SHANK2: variants seen among roughly 807,000 people sequenced by gnomAD.
SHANK2 encodes the protein SH3 and multiple ankyrin repeat domains protein 2.
A neutral mutation model predicts 133.7 loss-of-function variants in SHANK2; 43 were observed. The observed-to-expected ratio is 0.32, with a 90% CI of 0.25 to 0.41. The LOEUF (loss-of-function observed/expected upper bound fraction) is 0.41. Ranked by LOEUF, SHANK2 falls within the 10% of genes least tolerant of loss-of-function variation. SHANK2 has a pLI of 1.00. For missense variants in SHANK2, 1,994 were observed against 2,235.8 expected (o/e 0.89, Z 2.18); for synonymous variants, 1,017 against 952.8 (o/e 1.07, Z -1.24).
intron 17 of SHANK2, among the ~76,000 whole-genome samples, chr11:70,570,368 C>CA (rs1357722700): frequency 6.6e-6 from 1 of 152,194 alleles, no homozygotes; most frequent in African/African-American, 2.4e-5. Context: ...CCCTAGGGTG[C>CA]ACGCGTGGGT....
chr11:71,148,789 A>G (rs1232279896), intron 2 of SHANK2, among the ~76,000 whole-genome samples: 1 of 152,220 alleles, frequency 6.6e-6, no homozygotes, highest in East Asian at 1.9e-4. Flanking sequence ...ACTGTGCAAA[A>G]GGAAGGCAAT....
At chr11:70,579,184 A>T (rs1470219428) in intron 17 of SHANK2, among the ~76,000 whole-genome samples, 1 of 152,190 alleles carries the variant, frequency 6.6e-6, no homozygotes, top group Non-Finnish European at 1.5e-5. Context: ...AAGGGCATGG[A>T]TGCATCCCCA....
In SHANK2 at chr11:70,770,915, C is replaced by CTTT. The variant is rs71467419; in HGVS notation, c.1777+27525_1777+27527dup. ...TCTCTCCTTCCCTCCCTCTTACTTC[C>CTTT]TTTTTTTTTTTTTTTTTTTTTTTTT... On this transcript the variant is annotated intron_variant, in intron 14 of 25. Transcript: ENST00000601538. Among the ~76,000 whole-genome samples the CTTT allele has an allele frequency of 9.2e-4, 85 of 92,852 alleles. 6 individuals are homozygous for CTTT. The highest frequency in any genetic ancestry group is 8.8e-3 in the Middle Eastern group (1 of 114). The allele number at this position is 92,852 out of a possible 152,430, so 60.9% of individuals were successfully genotyped here. A position where few individuals can be genotyped will look rare whatever the true frequency, so the allele number is the denominator to read the frequency against.
intron 17 of SHANK2, chr11:70,604,299 G>A (rs1554991709): frequency 6.6e-6 from 1 of 152,354 alleles, no homozygotes; most frequent in Non-Finnish European, 1.5e-5. Flanking sequence ...GGATGCCCGT[G>A]GGGGGCTACC....
chr11:70,891,273 G>A (rs1026966734), intron 11 of SHANK2, among the ~76,000 whole-genome samples: 21 of 152,192 alleles, frequency 1.4e-4, no homozygotes, highest in Admixed American at 7.9e-4. Context: ...CCAGCACTTT[G>A]GGAGGCCGAG....
chr11:70,904,812 C>T (rs67071784), intron 10 of SHANK2, among the ~76,000 whole-genome samples: 30,223 of 151,992 alleles, frequency 0.2, 3,156 homozygotes, highest in Middle Eastern at 0.29. Context: ...CCAGTCAATC[C>T]GATCGTTTTA....
intron 6 of SHANK2, among the ~76,000 whole-genome samples, chr11:71,105,590 TAAAAAAAA>T (rs60654256): frequency 1.5e-4 from 12 of 77,954 alleles, no homozygotes; most frequent in Admixed American, 5.0e-4. Context: ...AGACTCAGTC[TAAAAAAAA>T]AAAAAAAAAA....
chr11:71,237,351 A>G (rs2135792414), intron 1 of SHANK2, among the ~76,000 whole-genome samples: 1 of 152,284 alleles, frequency 6.6e-6, no homozygotes, highest in African/African-American at 2.4e-5. Context: ...TAAAGTTTTT[A>G]TTGGAACACA....
chr11:70,777,025 C>A (rs1947380313), intron 14 of SHANK2, among the ~76,000 whole-genome samples: 1 of 118,756 alleles, frequency 8.4e-6, no homozygotes. Context: ...ACCTACCCAT[C>A]CATTCATCTA....
intron 10 of SHANK2, among the ~76,000 whole-genome samples, chr11:70,918,002 C>T (rs954788307): frequency 7.0e-6 from 1 of 143,120 alleles, no homozygotes; most frequent in Non-Finnish European, 1.5e-5. Flanking sequence ...TGCACATATA[C>T]CCCTGAACTT....
At chr11:70,671,695 A>T (rs1555016101) in intron 15 of SHANK2, among the ~76,000 whole-genome samples, 1 of 152,212 alleles carries the variant, frequency 6.6e-6, no homozygotes, top group Non-Finnish European at 1.5e-5. Context: ...ACAAGGAGAA[A>T]GTCCCCACAC....
chr11:70,817,554 C>A (rs1416875579), intron 12 of SHANK2, among the ~76,000 whole-genome samples: 3 of 152,208 alleles, frequency 2.0e-5, no homozygotes, highest in Non-Finnish European at 4.4e-5. Flanking sequence ...AATGGTTGGT[C>A]ACTCTACCAA....
At chr11:70,819,099 C>T (rs782111377) in intron 12 of SHANK2, among the ~76,000 whole-genome samples, 4 of 152,212 alleles carry the variant, frequency 2.6e-5, no homozygotes, top group Non-Finnish European at 4.4e-5. Context: ...AAACAGGAAG[C>T]ATGTAGGATG....
At chr11:70,591,436 G>A (rs1029109308) in intron 17 of SHANK2, among the ~76,000 whole-genome samples, 3 of 152,024 alleles carry the variant, frequency 2.0e-5, no homozygotes, top group Non-Finnish European at 2.9e-5. Context: ...AGAAGGAGCC[G>A]GAATCCACAG....
chr11:71,134,054 C>G (rs1176108653), intron 3 of SHANK2, among the ~76,000 whole-genome samples: 6 of 151,428 alleles, frequency 4.0e-5, no homozygotes, highest in East Asian at 1.9e-4. Flanking sequence ...GATAAAAGAG[C>G]TTTTACCTTT....
chr11:71,056,805 A>G (rs1950927190), intron 9 of SHANK2, among the ~76,000 whole-genome samples: 2 of 84,454 alleles, frequency 2.4e-5, no homozygotes, highest in African/African-American at 2.5e-5. Context: ...TGTATATAAA[A>G]TATACAATAA....
intron 14 of SHANK2, among the ~76,000 whole-genome samples, chr11:70,764,189 CCCAT>C (rs1947062703): frequency 6.9e-6 from 1 of 144,744 alleles, no homozygotes; most frequent in African/African-American, 2.6e-5. Flanking sequence ...CACCCACCCA[CCCAT>C]CCACCCATGC....
At chr11:71,078,796 C>T (rs1343167320) in intron 8 of SHANK2, among the ~76,000 whole-genome samples, 1 of 152,220 alleles carries the variant, frequency 6.6e-6, no homozygotes, top group Non-Finnish European at 1.5e-5. Context: ...CCATAATTTG[C>T]ATGTAATTAA....
intron 4 of SHANK2, among the ~76,000 whole-genome samples, chr11:71,117,016 GT>G (rs1302359273): frequency 2.0e-5 from 3 of 152,116 alleles, no homozygotes; most frequent in Non-Finnish European, 2.9e-5. Context: ...CCAGCCTCAG[GT>G]TTTTTTGTTG....
Sources: allele counts gnomAD v4.1 joint callset (sites outside exome capture counted in the v4.1 genomes callset), GRCh38; gene constraint gnomAD v4.1.1; transcripts MANE v1.5; gene names NCBI Gene and HGNC (gene_info 2026-07-23, HGNC 2026-07-21).